Variants in AKAP6 observed in about 807,000 individuals in gnomAD.
The protein encoded by AKAP6 is A-kinase anchor protein 6.
A neutral mutation model predicts 188.5 loss-of-function variants in AKAP6; 58 were observed. The observed-to-expected ratio is 0.31, with a 90% CI of 0.25 to 0.38. The LOEUF is 0.38. AKAP6 is among the 10% of genes least tolerant of loss of function. The pLI is 1.00. For missense variants in AKAP6, 2,710 were observed against 2,740.0 expected (o/e 0.99, Z 0.24); for synonymous variants, 989 against 998.6 (o/e 0.99, Z 0.18).
At chr14:32,759,743 T>C (rs550013391) in intron 11 of AKAP6, among the ~76,000 whole-genome samples, 48 of 152,096 alleles carry the variant, frequency 3.2e-4, no homozygotes, top group Admixed American at 9.2e-4. Context: ...GCAAGGGGGA[T>C]GGGGAGGTGC....
At chr14:32,533,590 C>A (rs1882530984) in intron 2 of AKAP6, among the ~76,000 whole-genome samples, 1 of 152,130 alleles carries the variant, frequency 6.6e-6, no homozygotes, top group Admixed American at 6.5e-5. Context: ...TTTGGAAGAA[C>A]TCAGCCGTGG....
intron 7 of AKAP6, among the ~76,000 whole-genome samples, chr14:32,603,817 G>A (rs115330557): frequency 0.011 from 1,622 of 152,188 alleles, 21 homozygotes; most frequent in African/African-American, 0.032. Context: ...TTTTAGAAGA[G>A]AATTGGAAAT....
chr14:32,685,866 G>C (rs1054216604), intron 8 of AKAP6, among the ~76,000 whole-genome samples: 1 of 152,112 alleles, frequency 6.6e-6, no homozygotes, highest in African/African-American at 2.4e-5. Flanking sequence ...AACCACTATG[G>C]AGAACAGTTT....
At chr14:32,495,580 G>T (rs1039443101) in intron 2 of AKAP6, among the ~76,000 whole-genome samples, 1 of 152,182 alleles carries the variant, frequency 6.6e-6, no homozygotes, top group African/African-American at 2.4e-5. Flanking sequence ...TCTTCGTATT[G>T]TTGTTACCCA....
chr14:32,337,360 G>A (rs1484409737), intron 1 of AKAP6, among the ~76,000 whole-genome samples: 1 of 152,140 alleles, frequency 6.6e-6, no homozygotes, highest in Non-Finnish European at 1.5e-5. Flanking sequence ...GGAGCACACA[G>A]CTTCTAGAAC....
At chr14:32,536,803 T>G (rs1882699514) in intron 3 of AKAP6, among the ~76,000 whole-genome samples, 1 of 152,116 alleles carries the variant, frequency 6.6e-6, no homozygotes, top group Non-Finnish European at 1.5e-5. Context: ...AAAAAAAGTG[T>G]TTTTGCTTGC....
intron 5 of AKAP6, among the ~76,000 whole-genome samples, chr14:32,597,276 C>G (rs1490091995): frequency 6.6e-6 from 1 of 152,170 alleles, no homozygotes; most frequent in Non-Finnish European, 1.5e-5. Flanking sequence ...TGATTGCCAA[C>G]TATTCAAAAC....
At chr14:32,423,393 T>TG (rs2138672819) in intron 1 of AKAP6, among the ~76,000 whole-genome samples, 1 of 152,174 alleles carries the variant, frequency 6.6e-6, no homozygotes, top group South Asian at 2.1e-4. Flanking sequence ...TTTTCCAGGC[T>TG]GGTCTTGAAC....
intron 9 of AKAP6, among the ~76,000 whole-genome samples, chr14:32,700,590 C>G (rs1035803225): frequency 6.6e-6 from 1 of 152,050 alleles, no homozygotes; most frequent in Non-Finnish European, 1.5e-5. Flanking sequence ...TTTACTATAC[C>G]TTTTCTATAT....
intron 1 of AKAP6, among the ~76,000 whole-genome samples, chr14:32,410,629 A>G (rs548164851): frequency 6.6e-6 from 1 of 152,312 alleles, no homozygotes; most frequent in Non-Finnish European, 1.5e-5. Context: ...TTTCATTGAC[A>G]TGTATAATGA....
chr14:32,788,208 A>G (rs1450860132), intron 12 of AKAP6, among the ~76,000 whole-genome samples: 4 of 152,204 alleles, frequency 2.6e-5, no homozygotes, highest in Non-Finnish European at 5.9e-5. Flanking sequence ...CTTGAGTATT[A>G]TAATACAATA....
chr14:32,574,086 C>A (rs1884617850), intron 4 of AKAP6, among the ~76,000 whole-genome samples: 1 of 152,138 alleles, frequency 6.6e-6, no homozygotes, highest in South Asian at 2.1e-4. Flanking sequence ...CTTGAGGCTA[C>A]ACATAGAAGC....
chr14:32,543,420 C>T lies in AKAP6; in HGVS notation c.577-1810C>T, dbSNP rs1883052876. ...AATAGTATTCCATTGTGGATATATG[C>T]CACATTTTCTTTATCCATTCACCTG... On this transcript the variant is annotated intron_variant, in intron 3 of 13. Transcript: ENST00000280979. Among the ~76,000 whole-genome samples the T allele has an allele frequency of 2.6e-5, 4 of 152,134 alleles. No individual in the cohort carries two copies. The South Asian group carries it at 8.3e-4, about 31-fold the overall frequency.
At chr14:32,463,116 T>G (rs980938991) in intron 2 of AKAP6, among the ~76,000 whole-genome samples, 2 of 151,966 alleles carry the variant, frequency 1.3e-5, no homozygotes, top group Non-Finnish European at 2.9e-5. Context: ...TTTTAGAGAC[T>G]GACAAAGAGA....
chr14:32,429,285 A>G (rs1255079609), intron 1 of AKAP6, among the ~76,000 whole-genome samples: 5 of 152,374 alleles, frequency 3.3e-5, no homozygotes, highest in African/African-American at 1.2e-4. Context: ...TATATTATTT[A>G]CAGATATAGA....
At chr14:32,487,207 G>C (rs957644477) in intron 2 of AKAP6, among the ~76,000 whole-genome samples, 4 of 152,144 alleles carry the variant, frequency 2.6e-5, no homozygotes, top group African/African-American at 9.7e-5. Context: ...TGTACTGCTG[G>C]ATTTGATTTG....
intron 2 of AKAP6, among the ~76,000 whole-genome samples, chr14:32,457,691 A>C (rs576461770): frequency 1.8e-4 from 28 of 152,296 alleles, no homozygotes; most frequent in African/African-American, 6.3e-4. Context: ...GAAGCTACAC[A>C]GACGGTGCCT....
intron 4 of AKAP6, among the ~76,000 whole-genome samples, chr14:32,569,689 G>A (rs1435220544): frequency 1.3e-5 from 2 of 152,184 alleles, no homozygotes; most frequent in South Asian, 2.1e-4. Context: ...TGGTAAATAT[G>A]TATGTAAAAA....
intron 11 of AKAP6, among the ~76,000 whole-genome samples, chr14:32,750,272 TGA>T (rs2032073765): frequency 6.6e-6 from 1 of 152,114 alleles, no homozygotes; most frequent in African/African-American, 2.4e-5. Context: ...AATTTAAAAA[TGA>T]GCTTTTTTTT....
Sources: allele counts gnomAD v4.1 joint callset (sites outside exome capture counted in the v4.1 genomes callset), GRCh38; gene constraint gnomAD v4.1.1; transcripts MANE v1.5; gene names NCBI Gene and HGNC (gene_info 2026-07-23, HGNC 2026-07-21).